PDZRN4: variants seen among roughly 807,000 people sequenced by gnomAD.
PDZRN4 encodes the protein PDZ domain containing ring finger 4.
Under a neutral mutation model 99.0 loss-of-function variants are expected in PDZRN4, and 70 were observed. The observed-to-expected ratio is 0.71, with a 90% confidence interval of 0.58 to 0.86. PDZRN4 has a LOEUF of 0.86. Among genes scored for constraint, PDZRN4 ranks in the 40% least tolerant of loss-of-function variants. PDZRN4 has a pLI of 0.00. For missense variants in PDZRN4, 1,474 were observed against 1,331.2 expected, an observed-to-expected ratio of 1.11 and a Z score of -1.67; for synonymous variants, 551 against 501.6, an observed-to-expected ratio of 1.10 and a Z score of -1.32.
chr12:41,371,726 A>G (rs1952043613), intron 3 of PDZRN4, among the ~76,000 whole-genome samples: 1 of 152,116 alleles, frequency 6.6e-6, no homozygotes, highest in South Asian at 2.1e-4. Context: ...TATGTACTTA[A>G]AAAAGTGTTT....
At chr12:41,214,251 T>TA (rs1405060908) in intron 3 of PDZRN4, among the ~76,000 whole-genome samples, 24 of 105,790 alleles carry the variant, frequency 2.3e-4, no homozygotes, top group Admixed American at 5.8e-4. Flanking sequence ...GACCCTGTAT[T>TA]TAAAAAAAAA....
chr12:41,344,529 A>C (rs1367210469), intron 3 of PDZRN4, among the ~76,000 whole-genome samples: 2 of 147,900 alleles, frequency 1.4e-5, no homozygotes, highest in Admixed American at 6.9e-5. Flanking sequence ...CAGAAAAACT[A>C]CCACCGTCTA....
At chr12:41,420,451 C>T (rs893059554) in intron 3 of PDZRN4, among the ~76,000 whole-genome samples, 2 of 152,106 alleles carry the variant, frequency 1.3e-5, no homozygotes, top group Admixed American at 1.3e-4. Context: ...TGTCTGCTGC[C>T]TCCACCTCAT....
At chr12:41,448,028 C>A (rs1439253353) in intron 3 of PDZRN4, among the ~76,000 whole-genome samples, 1 of 152,112 alleles carries the variant, frequency 6.6e-6, no homozygotes, top group Non-Finnish European at 1.5e-5. Context: ...GAGAAATCCT[C>A]ACAACTACTT....
chr12:41,233,489 G>A (rs553972555), intron 3 of PDZRN4, among the ~76,000 whole-genome samples: 16 of 152,180 alleles, frequency 1.1e-4, no homozygotes, highest in East Asian at 1.9e-4. Flanking sequence ...ACATGCACAC[G>A]TATGTTTATA....
intron 5 of PDZRN4, among the ~76,000 whole-genome samples, chr12:41,551,974 C>T (rs1297993476): frequency 6.6e-6 from 1 of 152,138 alleles, no homozygotes; most frequent in Non-Finnish European, 1.5e-5. Flanking sequence ...AGCCCTTAGC[C>T]ATGTGTTTCA....
chr12:41,251,690 T>C (rs918573407), intron 3 of PDZRN4, among the ~76,000 whole-genome samples: 11 of 152,238 alleles, frequency 7.2e-5, no homozygotes, highest in African/African-American at 2.4e-4. Flanking sequence ...ATATGATCTA[T>C]GATAAATCAT....
chr12:41,554,124 T>C (rs1395018228), intron 6 of PDZRN4, among the ~76,000 whole-genome samples: 1 of 152,198 alleles, frequency 6.6e-6, no homozygotes, highest in Non-Finnish European at 1.5e-5. Context: ...AAATATGCAA[T>C]TAGGATAATT....
intron 3 of PDZRN4, among the ~76,000 whole-genome samples, chr12:41,324,278 T>C (rs1295032694): frequency 6.6e-6 from 1 of 152,034 alleles, no homozygotes; most frequent in African/African-American, 2.4e-5. Context: ...AAAAAAAATA[T>C]CTGTGCAAAT....
intron 5 of PDZRN4, among the ~76,000 whole-genome samples, chr12:41,520,318 C>G (rs1334047207): frequency 2.0e-5 from 3 of 151,984 alleles, no homozygotes; most frequent in African/African-American, 7.2e-5. Context: ...TGGGTTCCGC[C>G]AAAAGTCTCT....
intron 3 of PDZRN4, among the ~76,000 whole-genome samples, chr12:41,295,651 T>G (rs1003351062): frequency 2.0e-5 from 3 of 152,158 alleles, no homozygotes; most frequent in East Asian, 1.9e-4. Context: ...TCAAAATTTT[T>G]GGCCACAAAA....
chr12:41,351,980 A>AAAATAAATAAATAAATGAATAAATAAAT (rs1951893304), intron 3 of PDZRN4, among the ~76,000 whole-genome samples: 1 of 142,998 alleles, frequency 7.0e-6, no homozygotes, highest in African/African-American at 2.6e-5. Context: ...CCATTGTCTC[A>AAAATAAATAAATAAATGAATAAATAAAT]AAATAAATAA....
At chr12:41,404,344 A>G (rs559147669) in intron 3 of PDZRN4, among the ~76,000 whole-genome samples, 3 of 152,210 alleles carry the variant, frequency 2.0e-5, no homozygotes, top group Non-Finnish European at 4.4e-5. Context: ...AAAAGTTCCC[A>G]GAGAGTTATA....
intron 4 of PDZRN4, among the ~76,000 whole-genome samples, chr12:41,508,755 T>C (rs1384412778): frequency 1.3e-5 from 2 of 152,038 alleles, no homozygotes; most frequent in Non-Finnish European, 2.9e-5. Flanking sequence ...CCATAGATAG[T>C]AGTGAGGAGA....
intron 5 of PDZRN4, among the ~76,000 whole-genome samples, chr12:41,511,812 C>A: frequency 6.6e-6 from 1 of 152,120 alleles, no homozygotes; most frequent in East Asian, 1.9e-4. Flanking sequence ...ATCATTGGAG[C>A]CTGTGGTGGA....
At chr12:41,376,749 A>G (rs993277072) in intron 3 of PDZRN4, among the ~76,000 whole-genome samples, 2 of 151,884 alleles carry the variant, frequency 1.3e-5, no homozygotes, top group Non-Finnish European at 2.9e-5. Flanking sequence ...CCACTTACTT[A>G]CTTTTGCTTT....
intron 3 of PDZRN4, among the ~76,000 whole-genome samples, chr12:41,340,883 T>G (rs915867784): frequency 6.6e-6 from 1 of 151,758 alleles, no homozygotes; most frequent in Non-Finnish European, 1.5e-5. Flanking sequence ...ATATTACTCT[T>G]ATTCCAAAAC....
chr12:41,544,440 C>T (rs921048728), intron 5 of PDZRN4, among the ~76,000 whole-genome samples: 3 of 152,136 alleles, frequency 2.0e-5, no homozygotes, highest in South Asian at 2.1e-4. Flanking sequence ...ATTCAACAAA[C>T]GCATGTGGGG....
At chr12:41,561,630 C>G (rs990822427) in intron 7 of PDZRN4, among the ~76,000 whole-genome samples, 1 of 147,806 alleles carries the variant, frequency 6.8e-6, no homozygotes, top group Non-Finnish European at 1.5e-5. Flanking sequence ...TATATATGTA[C>G]AGTCAAGTGG....
Sources: allele counts gnomAD v4.1 joint callset (sites outside exome capture counted in the v4.1 genomes callset), GRCh38; gene constraint gnomAD v4.1.1; transcripts MANE v1.5; gene names NCBI Gene and HGNC (gene_info 2026-07-23, HGNC 2026-07-21).